ZNF385B: variants seen among roughly 807,000 people sequenced by gnomAD.
ZNF385B encodes zinc finger protein 533.
ZNF385B carries 23 observed loss-of-function variants against 39.2 expected under a neutral mutation model. The ratio of observed to expected loss-of-function variants is 0.59; its 90% CI spans 0.42 to 0.83. The LOEUF (loss-of-function observed/expected upper bound fraction) is 0.83, where lower values mean the gene tolerates loss of function less well. Among genes scored for constraint, ZNF385B ranks in the 40% least tolerant of loss-of-function variants. The pLI, the probability that ZNF385B is intolerant of heterozygous loss-of-function variation, is 0.00. For synonymous variants in ZNF385B, 205 were observed against 222.6 expected (o/e 0.92, Z 0.70); for missense variants, 552 against 598.9 (o/e 0.92, Z 0.82).
intron 6 of ZNF385B, among the ~76,000 whole-genome samples, chr2:179,471,271 C>A (rs1286971478): frequency 6.6e-6 from 1 of 151,964 alleles, no homozygotes; most frequent in Non-Finnish European, 1.5e-5. Context: ...TACCTTTGCC[C>A]CATGATACAT....
intron 3 of ZNF385B, among the ~76,000 whole-genome samples, chr2:179,575,716 T>C (rs1282523774): frequency 2.6e-5 from 4 of 152,042 alleles, no homozygotes; most frequent in Non-Finnish European, 5.9e-5. Context: ...AATATAGTTC[T>C]CTCTCTACCA....
intron 3 of ZNF385B, among the ~76,000 whole-genome samples, chr2:179,595,206 G>T (rs1423736540): frequency 4.6e-5 from 7 of 151,866 alleles, no homozygotes; most frequent in Non-Finnish European, 8.8e-5. Context: ...TCATCCATAG[G>T]GTATCTGATC....
chr2:179,482,409 G>A (rs890268418), intron 6 of ZNF385B, among the ~76,000 whole-genome samples: 1 of 152,194 alleles, frequency 6.6e-6, no homozygotes, highest in Non-Finnish European at 1.5e-5. Flanking sequence ...TCCTCAAAGA[G>A]TCACTGAAAC....
At chr2:179,662,690 T>C (rs1376609857) in intron 3 of ZNF385B, among the ~76,000 whole-genome samples, 1 of 152,190 alleles carries the variant, frequency 6.6e-6, no homozygotes, top group Non-Finnish European at 1.5e-5. Flanking sequence ...TCTATTTAAG[T>C]GAATCCCCCC....
chr2:179,658,308 G>A (rs1186209894), intron 3 of ZNF385B, among the ~76,000 whole-genome samples: 1 of 152,164 alleles, frequency 6.6e-6, no homozygotes, highest in African/African-American at 2.4e-5. Context: ...CAATGGCACT[G>A]AACCTTATGA....
intron 3 of ZNF385B, among the ~76,000 whole-genome samples, chr2:179,603,306 T>C (rs1435404025): frequency 2.0e-5 from 3 of 152,158 alleles, no homozygotes; most frequent in East Asian, 3.8e-4. Flanking sequence ...GTGTCTCTCA[T>C]TTAAAGCCAC....
intron 3 of ZNF385B, among the ~76,000 whole-genome samples, chr2:179,642,527 T>G (rs1328984275): frequency 6.6e-6 from 1 of 152,168 alleles, no homozygotes; most frequent in African/African-American, 2.4e-5. Context: ...GCATGAAGCA[T>G]AATCTAGCAA....
Position 179,715,364 on chromosome 2 carries a change from T to C in ZNF385B, c.298+54139A>G, listed in dbSNP as rs1700270465. Among the ~76,000 whole-genome samples the C allele has an allele frequency of 1.3e-5, 2 of 152,326 alleles. 1 individual carries two copies. The highest frequency in any genetic ancestry group is 4.1e-4 in the South Asian group (2 of 4,832). ...TCTTAACTTCCAGATATTTGCTCTT[T>C]AGTCTAAATGTCTAAGATGTCATAT... On this transcript the variant is annotated intron_variant, in intron 3 of 9. Transcript: ENST00000410066.
At chr2:179,553,346 T>C (rs1486580540) in intron 3 of ZNF385B, among the ~76,000 whole-genome samples, 2 of 149,134 alleles carry the variant, frequency 1.3e-5, no homozygotes, top group African/African-American at 2.5e-5. Flanking sequence ...TAAATACTTA[T>C]GAGGGACTAA....
rs370089393 is a variant in ZNF385B at position 179,681,614 on chromosome 2, T to G, written c.298+87889A>C. 1.3e-3 allele frequency among the ~76,000 whole-genome samples: 197 copies of G among 152,316 alleles called. 9 individuals are homozygous for G. The South Asian group carries it at 0.04, about 31-fold the overall frequency. On this transcript the variant is annotated intron_variant, in intron 3 of 9. Coordinates refer to ENST00000410066, the MANE Select transcript of ZNF385B (RefSeq NM_152520.6). ...TACAATTCTAATAACCCCCAGGTAT[T>G]TTAAAATTGCATACTTTTGATCACA...
At chr2:179,601,358 T>C (rs1688395423) in intron 3 of ZNF385B, among the ~76,000 whole-genome samples, 2 of 152,332 alleles carry the variant, frequency 1.3e-5, no homozygotes, top group South Asian at 2.1e-4. Context: ...TCATTTTATG[T>C]ATAAAATTCT....
At chr2:179,573,660 T>G (rs189489037) in intron 3 of ZNF385B, among the ~76,000 whole-genome samples, 2 of 152,084 alleles carry the variant, frequency 1.3e-5, no homozygotes, top group African/African-American at 4.8e-5. Context: ...AATTGTGCTA[T>G]GTGAATTTTT....
intron 2 of ZNF385B, 127 bp from the exon 3 acceptor site, chr2:179,769,929 G>GA (rs900523353): frequency 2.1e-4 from 181 of 846,204 alleles, no homozygotes; most frequent in Non-Finnish European, 3.1e-4. Context: ...GTTACTACTA[G>GA]AAAAAAAATC....
chr2:179,562,627 G>A lies in ZNF385B; in HGVS notation c.299-17658C>T, dbSNP rs115851812. On this transcript the variant is annotated intron_variant, in intron 3 of 9. Coordinates refer to ENST00000410066, the MANE Select transcript of ZNF385B (RefSeq NM_152520.6). Reference sequence around the variant, plus strand: ...TTTGCAACTTGATTCCAGGGAGAGGGCAGAAAACCTTCTGATGACACAGAA... The same window carrying A: ...TTTGCAACTTGATTCCAGGGAGAGGACAGAAAACCTTCTGATGACACAGAA... The A allele has an allele frequency of 1.6e-3, 1,536 of 976,532 alleles. 20 individuals are homozygous for A. The African/African-American group carries it at 0.025, about 16-fold the overall frequency. 60.5% of individuals were successfully genotyped at this position (976,532 alleles called of 1,614,324 possible).
intron 6 of ZNF385B, among the ~76,000 whole-genome samples, chr2:179,470,484 G>C (rs528769291): frequency 1.3e-5 from 2 of 151,816 alleles, no homozygotes; most frequent in African/African-American, 2.4e-5. Context: ...ATATGGTTTG[G>C]CCCCCCCGGG....
intron 1 of ZNF385B, among the ~76,000 whole-genome samples, chr2:179,845,965 G>A (rs1176062732): frequency 1.3e-5 from 2 of 152,154 alleles, no homozygotes; most frequent in African/African-American, 2.4e-5. Flanking sequence ...GAAAGATAAA[G>A]GGGACGTTTC....
At chr2:179,847,191 C>T (rs1708840126) in intron 1 of ZNF385B, among the ~76,000 whole-genome samples, 1 of 152,156 alleles carries the variant, frequency 6.6e-6, no homozygotes. Context: ...TATGTGCCTG[C>T]CCTATGACCA....
chr2:179,483,486 AGTGGATGATCATGCAG>A, intron 5 of ZNF385B, 52 bp from the exon 6 acceptor site: 1 of 1,607,314 alleles, frequency 6.2e-7, no homozygotes, highest in Non-Finnish European at 8.5e-7. Flanking sequence ...CAAACACCAC[AGTGGATGATCATGCAG>A]GAGAAAAATA....
Position 179,688,490 on chromosome 2 carries a change from AAACAAC to A in ZNF385B, c.298+81007_298+81012del, listed in dbSNP as rs75401653. Among the ~76,000 whole-genome samples the A allele has an allele frequency of 4.9e-3, 740 of 149,640 alleles. 2 individuals carry two copies. Among genetic ancestry groups the A allele is most frequent in the African/African-American group, 0.011 (451 of 40,548 alleles). ...CACAACCCCACCCTGTCCCCCTGCA[AAACAAC>A]AACAACAACAACAACAACAACAAAA... is the stretch of plus-strand genomic sequence containing the variant. On this transcript the variant is annotated intron_variant, in intron 3 of 9. Transcript: ENST00000410066.
Sources: allele counts gnomAD v4.1 joint callset (sites outside exome capture counted in the v4.1 genomes callset), GRCh38; gene constraint gnomAD v4.1.1; transcripts MANE v1.5; gene names NCBI Gene and HGNC (gene_info 2026-07-23, HGNC 2026-07-21).